The following FOCAD variants were observed in gnomAD, a reference collection of about 807,000 sequenced individuals.
FOCAD encodes the protein KIAA1797.
FOCAD carries 198 observed loss-of-function variants against 225.6 expected under a neutral mutation model. The observed-to-expected ratio is 0.88, with a 90% CI of 0.78 to 0.99. The LOEUF is 0.99. Among genes scored for constraint, FOCAD ranks in the 50% least tolerant of loss-of-function variants. FOCAD has a pLI of 0.00. For synonymous variants in FOCAD, 897 were observed against 755.0 expected (o/e 1.19, Z -3.08); for missense variants, 2,713 against 2,123.6 (o/e 1.28, Z -5.46).
chr9:20,860,780 G>A lies in FOCAD; in HGVS notation c.1921-1798G>A, dbSNP rs1246895774. ...CCCACCTCGGCCTCCCAAAGTGCTG[G>A]GATTACAGGCGTGAGCCACCACGCC... On this transcript the variant is annotated intron_variant, in intron 15 of 43. Transcript: ENST00000338382. Among the ~76,000 whole-genome samples, 3 of 152,296 alleles carry A rather than the reference G, an allele frequency of 2.0e-5. No homozygotes were observed. The East Asian group carries it at 5.8e-4, about 29-fold the overall frequency.
intron 21 of FOCAD, among the ~76,000 whole-genome samples, chr9:20,890,454 A>G (rs1831517482): frequency 6.6e-6 from 1 of 151,536 alleles, no homozygotes; most frequent in Non-Finnish European, 1.5e-5. Flanking sequence ...CAACGCTTTT[A>G]AAATTTGTTG....
intron 4 of FOCAD, among the ~76,000 whole-genome samples, chr9:20,720,902 G>C (rs548593533): frequency 2.0e-4 from 30 of 152,304 alleles, no homozygotes; most frequent in Non-Finnish European, 3.8e-4. Context: ...ACATTGTAGT[G>C]GCATTACTTG....
intron 15 of FOCAD, among the ~76,000 whole-genome samples, chr9:20,834,201 A>C (rs1444182755): frequency 6.6e-6 from 1 of 152,092 alleles, no homozygotes; most frequent in Non-Finnish European, 1.5e-5. Flanking sequence ...ACACGGGAAC[A>C]GAAAACCAAA....
intron 35 of FOCAD, among the ~76,000 whole-genome samples, chr9:20,956,342 TTACCTG>T (rs1312223017): frequency 6.6e-6 from 1 of 152,182 alleles, no homozygotes; most frequent in Non-Finnish European, 1.5e-5. Flanking sequence ...TAGAAATAGT[TTACCTG>T]TACAACTCTT....
chr9:20,719,270 A>C (rs2131536273), intron 3 of FOCAD, among the ~76,000 whole-genome samples: 1 of 152,160 alleles, frequency 6.6e-6, no homozygotes, highest in South Asian at 2.1e-4. Flanking sequence ...TTTAGTAGAG[A>C]CTGGGTTTCA....
intron 1 of FOCAD, among the ~76,000 whole-genome samples, chr9:20,685,118 A>G (rs1822583197): frequency 6.6e-6 from 1 of 151,960 alleles, no homozygotes; most frequent in Non-Finnish European, 1.5e-5. Context: ...TCAGCCTCAT[A>G]CCAGGTATTA....
intron 1 of FOCAD, among the ~76,000 whole-genome samples, chr9:20,704,805 A>G (rs1003741897): frequency 6.6e-6 from 1 of 152,220 alleles, no homozygotes; most frequent in Non-Finnish European, 1.5e-5. Context: ...AGAAAGTTAT[A>G]TCCTCTATTT....
chr9:20,821,137 T>G (rs1332176214), intron 14 of FOCAD, 66 bp downstream of exon 14: 1 of 1,485,616 alleles, frequency 6.7e-7, no homozygotes. Flanking sequence ...ATTTTTTAAT[T>G]GCAAGCAAGA....
chr9:20,836,016 A>C (rs1300362132), intron 15 of FOCAD, among the ~76,000 whole-genome samples: 1 of 152,054 alleles, frequency 6.6e-6, no homozygotes, highest in Non-Finnish European at 1.5e-5. Flanking sequence ...TGTTTTGGCT[A>C]TTCTATCCCC....
rs1392134639 is a variant in FOCAD at position 20,986,354 on chromosome 9, A to G, written c.4795A>G (p.Asn1599Asp). Reference sequence around the variant, plus strand: ...CTCTCAAGGACGATTCCCCTTGGTGAACCTGACCGATATGCTGAGCGTTGC... The same window carrying G: ...CTCTCAAGGACGATTCCCCTTGGTGGACCTGACCGATATGCTGAGCGTTGC... ...LVSQGRFPLVNLTDMLSVAVQ... is the reference protein window; with the variant it reads ...LVSQGRFPLVDLTDMLSVAVQ... The change falls in exon 40 of 44, where the codon AAC (asparagine) becomes GAC (aspartate). Residue 1599 changes from asparagine to aspartate, a missense_variant. Physicochemically the swap from Asn to Asp is conservative, Grantham distance 23. Coordinates refer to ENST00000338382, the MANE Select transcript of FOCAD (RefSeq NM_001375567.1). 1.3e-6 allele frequency: 2 copies of G among 1,599,470 alleles called. No homozygotes were observed. Among genetic ancestry groups the G allele is most frequent in the Non-Finnish European group, 1.7e-6 (2 of 1,176,478 alleles).
chr9:20,720,520 G>A lies in FOCAD; in HGVS notation c.273G>A (p.Leu91=), dbSNP rs768127571. 3.8e-5 allele frequency: 61 copies of A among 1,613,862 alleles called. No homozygotes were observed. In the East Asian group the frequency reaches 4.5e-4, roughly 12 times the overall value. The part of the protein sequence containing the change: ...FSYVLNGILN[L]IPSTRNTHGL... ...ATGTTCTCAATGGGATACTCAACTT[G>A]ATTCCATCAACCAGGTACTTTTTCC... is the stretch of plus-strand genomic sequence containing the variant. The change falls in exon 4 of 44, where the codon TTG becomes TTA. Residue 91 remains leucine, a synonymous_variant. Coordinates refer to ENST00000338382, the MANE Select transcript of FOCAD (RefSeq NM_001375567.1).
At chr9:20,892,318 C>G (rs966761842) in intron 21 of FOCAD, among the ~76,000 whole-genome samples, 2 of 152,134 alleles carry the variant, frequency 1.3e-5, no homozygotes, top group African/African-American at 4.8e-5. Context: ...AAGGCTATAG[C>G]TGGCATAGAT....
chr9:20,805,516 A>G (rs1022079687), intron 11 of FOCAD, among the ~76,000 whole-genome samples: 4 of 152,074 alleles, frequency 2.6e-5, no homozygotes, highest in South Asian at 2.1e-4. Context: ...AATAATTTGG[A>G]TAATTTTTTT....
chr9:20,971,063 A>G (rs1167222121), intron 35 of FOCAD, among the ~76,000 whole-genome samples: 1 of 152,146 alleles, frequency 6.6e-6, no homozygotes, highest in Admixed American at 6.5e-5. Flanking sequence ...TCAAAATTGT[A>G]AAGTTTGTCT....
intron 4 of FOCAD, among the ~76,000 whole-genome samples, chr9:20,734,738 G>A (rs1826997223): frequency 6.6e-6 from 1 of 151,860 alleles, no homozygotes; most frequent in African/African-American, 2.4e-5. Flanking sequence ...CCAACCTCCT[G>A]GGCTCAAGTG....
At chr9:20,738,699 C>T (rs1827352405) in intron 4 of FOCAD, among the ~76,000 whole-genome samples, 1 of 152,152 alleles carries the variant, frequency 6.6e-6, no homozygotes, top group Non-Finnish European at 1.5e-5. Context: ...CCAAAGAATC[C>T]ATTTAGGCAC....
At chr9:20,663,004 C>A (rs540134302) in intron 2 of FOCAD, among the ~76,000 whole-genome samples, 2 of 152,198 alleles carry the variant, frequency 1.3e-5, no homozygotes, top group East Asian at 3.9e-4. Context: ...AACAGTAACA[C>A]TTATAATGTA....
At chr9:20,690,715 T>C (rs1218145794) in intron 1 of FOCAD, among the ~76,000 whole-genome samples, 2 of 152,042 alleles carry the variant, frequency 1.3e-5, no homozygotes, top group Admixed American at 6.5e-5. Context: ...ACCTGGCTAA[T>C]TTTTCTATTT....
intron 28 of FOCAD, among the ~76,000 whole-genome samples, chr9:20,941,378 G>A (rs554510666): frequency 2.0e-5 from 3 of 152,130 alleles, no homozygotes; most frequent in South Asian, 2.1e-4. Context: ...TTAGAAATGC[G>A]ATAACATTTG....
Sources: allele counts gnomAD v4.1 joint callset (sites outside exome capture counted in the v4.1 genomes callset), GRCh38; gene constraint gnomAD v4.1.1; transcripts MANE v1.5; gene names NCBI Gene and HGNC (gene_info 2026-07-23, HGNC 2026-07-21).